Variants in ABCD3 observed in about 807,000 individuals in gnomAD.
ABCD3 encodes the protein ATP binding cassette subfamily D member 3.
In ABCD3, 41 loss-of-function variants were observed where a neutral mutation model predicts 105.5. The ratio of observed to expected loss-of-function variants is 0.39; its 90% CI spans 0.30 to 0.50. ABCD3 has a LOEUF of 0.50. Ranked by LOEUF, ABCD3 falls within the 20% of genes least tolerant of loss-of-function variation. ABCD3 has a pLI of 0.84. For missense variants in ABCD3, 622 were observed against 806.3 expected (o/e 0.77, Z 2.77); for synonymous variants, 258 against 269.0 (o/e 0.96, Z 0.40).
intron 1 of ABCD3, among the ~76,000 whole-genome samples, chr1:94,443,253 T>A (rs1040661402): frequency 1.3e-5 from 2 of 152,212 alleles, no homozygotes; most frequent in East Asian, 3.9e-4. Flanking sequence ...TTGGCCCCTT[T>A]GTATGTCTTC....
chr1:94,494,076 C>T (rs1031011457), intron 16 of ABCD3, among the ~76,000 whole-genome samples: 2 of 151,614 alleles, frequency 1.3e-5, no homozygotes, highest in Non-Finnish European at 2.9e-5. Context: ...CACATGTACC[C>T]TAAAACTTAA....
At chr1:94,511,375 C>G (rs9659414) in intron 21 of ABCD3, among the ~76,000 whole-genome samples, 114,042 of 151,976 alleles carry the variant, frequency 0.75, 43,043 homozygotes, top group Admixed American at 0.83. Context: ...TTAGTCTAAT[C>G]GGCTTCCCTT....
Position 94,475,526 on chromosome 1 carries a change from G to A in ABCD3, c.504-88G>A, listed in dbSNP as rs931059246. On this transcript the variant is annotated intron_variant, in intron 6 of 22. Transcript: ENST00000370214. ...CAAACTTTTTTGTTTCTATGTATTT[G>A]AGCTAGGTGGTGTAATATGATTTTT... 5 of 1,384,944 alleles carry A rather than the reference G, an allele frequency of 3.6e-6. No individual in the cohort carries two copies. The South Asian group carries it at 4.8e-5, about 13-fold the overall frequency. 85.8% of individuals were successfully genotyped at this position (1,384,944 alleles called of 1,614,324 possible).
intron 16 of ABCD3, among the ~76,000 whole-genome samples, chr1:94,497,834 A>G (rs1649895380): frequency 6.6e-6 from 1 of 152,188 alleles, no homozygotes; most frequent in African/African-American, 2.4e-5. Flanking sequence ...TATCCTTACT[A>G]TGGAAGATGC....
At chr1:94,486,707 TGAG>T (rs1367752437) in intron 10 of ABCD3, among the ~76,000 whole-genome samples, 1 of 152,200 alleles carries the variant, frequency 6.6e-6, no homozygotes, top group Non-Finnish European at 1.5e-5. Flanking sequence ...AGATCTTTCT[TGAG>T]GAGGTGACAT....
chr1:94,459,065 C>T (rs1319728884), intron 2 of ABCD3, among the ~76,000 whole-genome samples: 4 of 145,350 alleles, frequency 2.8e-5, no homozygotes, highest in African/African-American at 5.0e-5. Context: ...TTTCTTTTTA[C>T]CAACCAGGTC....
intron 1 of ABCD3, among the ~76,000 whole-genome samples, chr1:94,419,540 A>G (rs919937525): frequency 3.9e-5 from 6 of 152,226 alleles, no homozygotes; most frequent in Non-Finnish European, 5.9e-5. Context: ...CGTTCTTGCC[A>G]GTCATTGAAT....
chr1:94,449,141 G>A (rs372020766), intron 1 of ABCD3, among the ~76,000 whole-genome samples: 37 of 152,264 alleles, frequency 2.4e-4, no homozygotes, highest in African/African-American at 8.9e-4. Context: ...CAGCTGATTT[G>A]GATACCATTA....
chr1:94,489,646 GGAACTT>G lies in ABCD3; in HGVS notation c.1158-78_1158-73del. 10 of 967,250 alleles carry G rather than the reference GGAACTT, an allele frequency of 1.0e-5. No homozygotes were observed. The South Asian group carries it at 1.4e-4, about 13-fold the overall frequency. 59.9% of individuals were successfully genotyped at this position (967,250 alleles called of 1,614,324 possible). ...TCATTTATACTAAATTATAATTTTA[GGAACTT>G]CAGTTTGTATAAAATAAAAGATGTG... is the stretch of plus-strand genomic sequence containing the variant. On this transcript the variant is annotated intron_variant, in intron 13 of 22. Coordinates refer to ENST00000370214, the MANE Select transcript of ABCD3 (RefSeq NM_002858.4).
chr1:94,454,231 A>C (rs1647427544), intron 1 of ABCD3, among the ~76,000 whole-genome samples: 2 of 152,182 alleles, frequency 1.3e-5, no homozygotes, highest in South Asian at 4.1e-4. Flanking sequence ...AAATCATAGC[A>C]GTAGAAATGG....
At chr1:94,413,786 T>TA (rs991236439), upstream of ABCD3, among the ~76,000 whole-genome samples, 5 of 152,028 alleles carry the variant, frequency 3.3e-5, no homozygotes, top group East Asian at 1.9e-4. Flanking sequence ...GGCAGGTCTC[T>TA]AAAAAAAATT....
chr1:94,439,446 A>G (rs1292279781), intron 1 of ABCD3, among the ~76,000 whole-genome samples: 1 of 152,070 alleles, frequency 6.6e-6, no homozygotes, highest in Admixed American at 6.6e-5. Flanking sequence ...GTTTGAGACC[A>G]GCCTGGCCAA....
At chr1:94,414,232 A>G (rs1557653271), upstream of ABCD3, among the ~76,000 whole-genome samples, 1 of 152,160 alleles carries the variant, frequency 6.6e-6, no homozygotes, top group Non-Finnish European at 1.5e-5. Flanking sequence ...TTTGCATCTC[A>G]TTACCTTTCC....
At chr1:94,475,362 G>C (rs1345985702) in intron 6 of ABCD3, 122 bp downstream of exon 6, 1 of 790,418 alleles carries the variant, frequency 1.3e-6, no homozygotes, top group Non-Finnish European at 2.0e-6. Context: ...CTTAGGTACA[G>C]AAGCATGTTG....
At chr1:94,475,523 T>G (rs898217045) in intron 6 of ABCD3, 91 bp from the exon 7 acceptor site, 33 of 1,368,732 alleles carry the variant, frequency 2.4e-5, no homozygotes, top group Non-Finnish European at 3.3e-5. Flanking sequence ...TTTCTATGTA[T>G]TTGAGCTAGG....
At chr1:94,452,874 A>G (rs994292299) in intron 1 of ABCD3, among the ~76,000 whole-genome samples, 12 of 152,034 alleles carry the variant, frequency 7.9e-5, no homozygotes, top group African/African-American at 2.9e-4. Context: ...GTTAGCTGGG[A>G]CTACAGGCAT....
intron 1 of ABCD3, among the ~76,000 whole-genome samples, chr1:94,445,599 C>T (rs913590420): frequency 1.3e-5 from 2 of 152,100 alleles, no homozygotes; most frequent in Non-Finnish European, 2.9e-5. Context: ...CCTCCTGCAC[C>T]CCCTCCTTAT....
intron 1 of ABCD3, among the ~76,000 whole-genome samples, chr1:94,453,161 G>T (rs1647340856): frequency 1.3e-5 from 2 of 152,072 alleles, no homozygotes; most frequent in South Asian, 4.1e-4. Context: ...GGAATTATCT[G>T]TTCACTGGGG....
At chr1:94,396,362 C>T in the ABCD3 span, among the ~76,000 whole-genome samples, 1 of 152,166 alleles carries the variant, frequency 6.6e-6, no homozygotes, top group African/African-American at 2.4e-5. Flanking sequence ...CCTCTTGGAC[C>T]TGACAACAAA....
Sources: allele counts gnomAD v4.1 joint callset (sites outside exome capture counted in the v4.1 genomes callset), GRCh38; gene constraint gnomAD v4.1.1; transcripts MANE v1.5; gene names NCBI Gene and HGNC (gene_info 2026-07-23, HGNC 2026-07-21).